UNC13C: variants seen among roughly 807,000 people sequenced by gnomAD.
The protein encoded by UNC13C is protein unc-13 homolog C.
UNC13C carries 174 observed loss-of-function variants against 245.4 expected under a neutral mutation model. The ratio of observed to expected loss-of-function variants is 0.71; its 90% CI spans 0.63 to 0.80. The LOEUF (loss-of-function observed/expected upper bound fraction) is 0.80. Among genes scored for constraint, UNC13C ranks in the 30% least tolerant of loss-of-function variants. UNC13C has a pLI of 0.00. For synonymous variants in UNC13C, 992 were observed against 895.1 expected (o/e 1.11, Z -1.93); for missense variants, 2,829 against 2,602.9 (o/e 1.09, Z -1.89).
At chr15:54,109,081 T>C (rs1900614580) in intron 2 of UNC13C, among the ~76,000 whole-genome samples, 1 of 152,162 alleles carries the variant, frequency 6.6e-6, no homozygotes, top group African/African-American at 2.4e-5. Context: ...TTCTCTCTAT[T>C]ATGCACCTCC....
chr15:54,106,568 G>A (rs1337593956), intron 2 of UNC13C, among the ~76,000 whole-genome samples: 3 of 152,028 alleles, frequency 2.0e-5, no homozygotes, highest in Non-Finnish European at 4.4e-5. Flanking sequence ...TTTAGTTTCA[G>A]CAGAAAAAAA....
At chr15:54,076,264 C>T (rs1898618561) in intron 2 of UNC13C, among the ~76,000 whole-genome samples, 1 of 119,532 alleles carries the variant, frequency 8.4e-6, no homozygotes, top group South Asian at 3.3e-4. Flanking sequence ...CCCCCTCCCC[C>T]CACCCCACCA....
At chr15:54,475,718 C>G (rs1424778782) in intron 19 of UNC13C, among the ~76,000 whole-genome samples, 1 of 137,180 alleles carries the variant, frequency 7.3e-6, no homozygotes, top group Non-Finnish European at 1.6e-5. Flanking sequence ...TGTTGGACAT[C>G]TGGGTTGGTT....
intron 2 of UNC13C, among the ~76,000 whole-genome samples, chr15:54,070,363 G>A (rs188278413): frequency 1.3e-5 from 2 of 152,228 alleles, no homozygotes; most frequent in South Asian, 2.1e-4. Flanking sequence ...AACTGAAAAT[G>A]GAAGGCAGCC....
At chr15:53,950,070 T>C in the UNC13C span, among the ~76,000 whole-genome samples, 7 of 152,252 alleles carry the variant, frequency 4.6e-5, no homozygotes, top group South Asian at 1.5e-3. Flanking sequence ...CTCAGTACCT[T>C]ATAAAAGTAC....
At chr15:54,068,156 T>C (rs1251552595) in intron 2 of UNC13C, among the ~76,000 whole-genome samples, 1 of 152,192 alleles carries the variant, frequency 6.6e-6, no homozygotes, top group South Asian at 2.1e-4. Context: ...AAGTTTTGAA[T>C]GTAGCAGCAA....
rs777046608 is a variant in UNC13C at position 54,236,418 on chromosome 15, T to C, written c.3151-12T>C. 1.3e-6 allele frequency: 2 copies of C among 1,591,500 alleles called. No homozygotes were observed. The highest frequency in any genetic ancestry group is 1.7e-6 in the Non-Finnish European group (2 of 1,174,448). Reference sequence around the variant, plus strand: ...TTTACATTTTGTTTCCTCTCACTTCTGGAATCTTCAGGCCATGGTAAGTGC... The same window carrying C: ...TTTACATTTTGTTTCCTCTCACTTCCGGAATCTTCAGGCCATGGTAAGTGC... On this transcript the variant is annotated splice_polypyrimidine_tract_variant and intron_variant, in intron 5 of 32. Transcript: ENST00000260323.
intron 17 of UNC13C, among the ~76,000 whole-genome samples, chr15:54,355,439 C>A (rs893384994): frequency 1.3e-5 from 2 of 152,144 alleles, no homozygotes; most frequent in African/African-American, 4.8e-5. Flanking sequence ...TCACTGCAAC[C>A]TCTGCCTCCC....
intron 17 of UNC13C, among the ~76,000 whole-genome samples, chr15:54,345,167 G>A (rs907516417): frequency 6.6e-6 from 1 of 152,230 alleles, no homozygotes; most frequent in African/African-American, 2.4e-5. Context: ...AGTAATGTGA[G>A]CAATGCTTTA....
intron 1 of UNC13C, among the ~76,000 whole-genome samples, chr15:53,984,049 G>A (rs1011122118): frequency 1.3e-5 from 2 of 151,926 alleles, no homozygotes; most frequent in East Asian, 3.9e-4. Flanking sequence ...TTATCTGTAT[G>A]ATTCTTTTCT....
chr15:53,881,742 G>A, the UNC13C span, among the ~76,000 whole-genome samples: 616 of 152,294 alleles, frequency 4.0e-3, 1 homozygote, highest in Non-Finnish European at 7.5e-3. Flanking sequence ...TCATTCATTC[G>A]TTAGAGGGCT....
At chr15:54,579,524 C>T (rs1027232735) in intron 30 of UNC13C, among the ~76,000 whole-genome samples, 5 of 151,762 alleles carry the variant, frequency 3.3e-5, no homozygotes, top group African/African-American at 9.7e-5. Flanking sequence ...TGTAGGAGGC[C>T]GAGGCAGGCA....
chr15:53,873,429 T>A, the UNC13C span, among the ~76,000 whole-genome samples: 2 of 152,286 alleles, frequency 1.3e-5, no homozygotes, highest in South Asian at 4.1e-4. Context: ...TTCCACGATG[T>A]CCATCTGACC....
intron 4 of UNC13C, among the ~76,000 whole-genome samples, chr15:54,214,623 TA>T (rs2034984648): frequency 1.3e-5 from 2 of 151,970 alleles, no homozygotes; most frequent in African/African-American, 2.4e-5. Context: ...ATAGTGTGAT[TA>T]AAAGGAATAA....
chr15:54,428,597 G>C (rs2040805052), intron 19 of UNC13C, among the ~76,000 whole-genome samples: 2 of 151,512 alleles, frequency 1.3e-5, no homozygotes, highest in Admixed American at 1.3e-4. Flanking sequence ...TAAGCTCTGT[G>C]AAAGGGACTT....
At chr15:54,201,632 C>A (rs78873346) in intron 4 of UNC13C, among the ~76,000 whole-genome samples, 2,869 of 151,832 alleles carry the variant, frequency 0.019, 75 homozygotes, top group East Asian at 0.1. Context: ...TGATTAAAAT[C>A]CTCAGCAAAA....
intron 29 of UNC13C, among the ~76,000 whole-genome samples, chr15:54,557,599 A>G (rs575613768): frequency 9.9e-5 from 15 of 151,828 alleles, no homozygotes; most frequent in African/African-American, 3.4e-4. Context: ...AAGGAGCACT[A>G]TAATGCAAGC....
At chr15:54,159,428 G>A (rs987800975) in intron 4 of UNC13C, among the ~76,000 whole-genome samples, 1 of 152,180 alleles carries the variant, frequency 6.6e-6, no homozygotes, top group Non-Finnish European at 1.5e-5. Context: ...AAGTACAAAA[G>A]CACTGTTTGT....
At chr15:54,622,801 A>G (rs1900878288) in intron 31 of UNC13C, among the ~76,000 whole-genome samples, 2 of 152,120 alleles carry the variant, frequency 1.3e-5, no homozygotes, top group South Asian at 2.1e-4. Context: ...GTTCTTTACA[A>G]TGAGTGGCTC....
Sources: gnomAD v4.1 joint callset for allele counts (sites outside exome capture counted in the v4.1 genomes callset) on GRCh38, gnomAD v4.1.1 for gene constraint, MANE v1.5 for transcripts, NCBI Gene and HGNC (gene_info 2026-07-23, HGNC 2026-07-21) for gene names.